The following CADM2 variants were observed in gnomAD, a reference collection of about 807,000 sequenced individuals.
CADM2 encodes the protein immunoglobulin superfamily member 4D.
A neutral mutation model predicts 49.8 loss-of-function variants in CADM2; 12 were observed. The observed-to-expected ratio is 0.24, with a 90% CI of 0.15 to 0.39. The LOEUF (loss-of-function observed/expected upper bound fraction) is 0.39. Among genes scored for constraint, CADM2 ranks in the 10% least tolerant of loss-of-function variants. The pLI, the probability that CADM2 is intolerant of heterozygous loss-of-function variation, is 1.00. For synonymous variants in CADM2, 214 were observed against 175.4 expected, an observed-to-expected ratio of 1.22 and a Z score of -1.74; for missense variants, 378 against 492.3, an observed-to-expected ratio of 0.77 and a Z score of 2.20.
intron 1 of CADM2, among the ~76,000 whole-genome samples, chr3:85,534,353 C>T (rs552600833): frequency 3.9e-5 from 6 of 152,192 alleles, no homozygotes; most frequent in African/African-American, 1.4e-4. Flanking sequence ...TATTAAATAT[C>T]CACCTCCTCA....
At chr3:84,986,659 C>T (rs902481258) in intron 1 of CADM2, among the ~76,000 whole-genome samples, 1 of 151,416 alleles carries the variant, frequency 6.6e-6, no homozygotes, top group Admixed American at 6.6e-5. Context: ...TGCTAAATGA[C>T]GAGTTAACGG....
At chr3:85,984,511 T>A (rs182956418) in intron 8 of CADM2, among the ~76,000 whole-genome samples, 14 of 151,934 alleles carry the variant, frequency 9.2e-5, no homozygotes, top group Non-Finnish European at 1.8e-4. Flanking sequence ...TTTATCATAA[T>A]TTTTAAATAA....
In CADM2 at chr3:85,803,500, A is replaced by AATAGATAGATAGATAGATAG. The variant is rs3044105; in HGVS notation, c.238+1319_238+1338dup. ...AAACAGACAGATAGATAGATAGATAAATAGATAGATAGATAGATAGATAGA... is the reference window on the plus strand; with the variant it reads ...AAACAGACAGATAGATAGATAGATAAATAGATAGATAGATAGATAGATAGATAGATAGATAGATAGATAGA... On this transcript the variant is annotated intron_variant, in intron 3 of 9. Coordinates refer to ENST00000383699, the MANE Select transcript of CADM2 (RefSeq NM_001167675.2). Among the ~76,000 whole-genome samples the AATAGATAGATAGATAGATAG allele has an allele frequency of 1.5e-3, 224 of 149,544 alleles. 2 individuals are homozygous for AATAGATAGATAGATAGATAG. Among genetic ancestry groups the AATAGATAGATAGATAGATAG allele is most frequent in the African/African-American group, 2.4e-3 (99 of 40,460 alleles).
intron 1 of CADM2, among the ~76,000 whole-genome samples, chr3:85,317,275 C>G (rs1017460760): frequency 2.0e-5 from 3 of 152,130 alleles, no homozygotes; most frequent in Non-Finnish European, 2.9e-5. Context: ...AAATTATCAA[C>G]ATAGCACCTC....
intron 1 of CADM2, among the ~76,000 whole-genome samples, chr3:85,318,817 T>C (rs766938073): frequency 1.3e-5 from 2 of 152,184 alleles, no homozygotes; most frequent in Non-Finnish European, 2.9e-5. Flanking sequence ...AGTAAGGTCA[T>C]TGACTGTAAG....
At chr3:85,491,418 G>A (rs780391971) in intron 1 of CADM2, among the ~76,000 whole-genome samples, 1 of 151,938 alleles carries the variant, frequency 6.6e-6, no homozygotes, top group East Asian at 1.9e-4. Context: ...TCTCTTTAAT[G>A]GAAAATTAAT....
rs972949243 is a variant in CADM2 at position 84,976,408 on chromosome 3, A to G, written c.61+16740A>G. 2.0e-5 allele frequency among the ~76,000 whole-genome samples: 3 copies of G among 149,630 alleles called. No homozygotes were observed. The South Asian group carries it at 6.3e-4, about 32-fold the overall frequency. On this transcript the variant is annotated intron_variant, in intron 1 of 9. Coordinates refer to ENST00000383699, the MANE Select transcript of CADM2 (RefSeq NM_001167675.2). ...TTTTCAAATATGTCATACTTTAAATAAATTAAATAAAGCATAGTATTTAGT... is the reference window on the plus strand; with the variant it reads ...TTTTCAAATATGTCATACTTTAAATGAATTAAATAAAGCATAGTATTTAGT...
At chr3:85,980,898 T>A (rs1428600125) in intron 8 of CADM2, among the ~76,000 whole-genome samples, 3 of 151,562 alleles carry the variant, frequency 2.0e-5, no homozygotes, top group African/African-American at 7.3e-5. Context: ...AATATTCAAT[T>A]ATGCCTTCTT....
At chr3:85,351,329 C>G (rs769833567) in intron 1 of CADM2, among the ~76,000 whole-genome samples, 3 of 152,162 alleles carry the variant, frequency 2.0e-5, no homozygotes, top group Non-Finnish European at 2.9e-5. Context: ...TTAAATTATA[C>G]TCTGTCCAGT....
chr3:86,027,787 G>A (rs1434342306), intron 8 of CADM2: 1 of 151,650 alleles, frequency 6.6e-6, no homozygotes, highest in African/African-American at 2.4e-5. Flanking sequence ...TCTTTATAAC[G>A]ATATGAGTAG....
At chr3:85,627,958 A>G (rs867886336) in intron 1 of CADM2, among the ~76,000 whole-genome samples, 1 of 152,046 alleles carries the variant, frequency 6.6e-6, no homozygotes, top group East Asian at 1.9e-4. Flanking sequence ...CATCCTGATG[A>G]GGTTCTTTGC....
At chr3:85,629,054 G>T (rs1404919604) in intron 1 of CADM2, among the ~76,000 whole-genome samples, 1 of 151,600 alleles carries the variant, frequency 6.6e-6, no homozygotes, top group South Asian at 2.1e-4. Flanking sequence ...AATCATTTTT[G>T]TGCATACAAT....
chr3:85,433,534 G>T (rs1208466705), intron 1 of CADM2, among the ~76,000 whole-genome samples: 9 of 152,046 alleles, frequency 5.9e-5, no homozygotes, highest in Non-Finnish European at 8.8e-5. Flanking sequence ...TTGCTCCTTT[G>T]CCAGAGCATT....
At chr3:85,202,590 TAG>T (rs779986605) in intron 1 of CADM2, among the ~76,000 whole-genome samples, 7 of 152,144 alleles carry the variant, frequency 4.6e-5, no homozygotes, top group Non-Finnish European at 7.4e-5. Flanking sequence ...TTATAGATCA[TAG>T]GCAGAGTAGA....
intron 7 of CADM2, among the ~76,000 whole-genome samples, chr3:85,948,426 C>A (rs1324427690): frequency 6.6e-6 from 1 of 151,144 alleles, no homozygotes; most frequent in African/African-American, 2.4e-5. Context: ...CCTATTATAC[C>A]AGCTGTTAAA....
intron 1 of CADM2, among the ~76,000 whole-genome samples, chr3:85,447,983 A>G (rs1404147429): frequency 6.6e-6 from 1 of 152,156 alleles, no homozygotes; most frequent in Non-Finnish European, 1.5e-5. Context: ...AAAGCCAATA[A>G]GCAAAACACA....
intron 3 of CADM2, among the ~76,000 whole-genome samples, chr3:85,832,743 T>C (rs2074237511): frequency 6.6e-6 from 1 of 151,970 alleles, no homozygotes; most frequent in South Asian, 2.1e-4. Context: ...AATCGTATCA[T>C]CTGCAAACAG....
At chr3:85,861,689 G>C (rs1052050904) in intron 3 of CADM2, among the ~76,000 whole-genome samples, 3 of 152,068 alleles carry the variant, frequency 2.0e-5, no homozygotes, top group Non-Finnish European at 4.4e-5. Flanking sequence ...ATAGTAATAA[G>C]AGAAATTCAA....
At chr3:85,532,207 A>G (rs2061330551) in intron 1 of CADM2, among the ~76,000 whole-genome samples, 1 of 151,028 alleles carries the variant, frequency 6.6e-6, no homozygotes, top group Non-Finnish European at 1.5e-5. Context: ...AAAAATAAAA[A>G]TAGTGTTGCA....
Sources: gnomAD v4.1 joint callset for allele counts (sites outside exome capture counted in the v4.1 genomes callset) on GRCh38, gnomAD v4.1.1 for gene constraint, MANE v1.5 for transcripts, NCBI Gene and HGNC (gene_info 2026-07-23, HGNC 2026-07-21) for gene names.